MPRIP: variants seen among roughly 807,000 people sequenced by gnomAD.
MPRIP encodes myosin phosphatase Rho interacting protein.
A neutral mutation model predicts 234.9 loss-of-function variants in MPRIP; 59 were observed. The observed-to-expected ratio is 0.25, with a 90% CI of 0.20 to 0.31. MPRIP has a LOEUF of 0.31. Among genes scored for constraint, MPRIP ranks in the 10% least tolerant of loss-of-function variants. The pLI is 1.00. For synonymous variants in MPRIP, 1,144 were observed against 1,263.9 expected, an observed-to-expected ratio of 0.91 and a Z score of 2.01; for missense variants, 2,436 against 3,071.0, an observed-to-expected ratio of 0.79 and a Z score of 4.89.
rs576937857 is a variant in MPRIP at position 17,115,940 on chromosome 17, G to A, written c.268-10762G>A. The stretch of plus-strand genomic sequence containing the variant: ...CTCATGCCCTGCAGAGCCTGCCACT[G>A]TCTGGTCTTTGCACACGTGTCATCC... On this transcript the variant is annotated intron_variant, in intron 3 of 23. Transcript: ENST00000651222. Among the ~76,000 whole-genome samples the A allele has an allele frequency of 1.1e-4, 17 of 152,308 alleles. No homozygotes were observed. In the East Asian group the frequency reaches 1.5e-3, roughly 14 times the overall value.
intron 11 of MPRIP, among the ~76,000 whole-genome samples, chr17:17,148,100 G>GC (rs1035955207): frequency 6.6e-6 from 1 of 152,184 alleles, no homozygotes; most frequent in Non-Finnish European, 1.5e-5. Context: ...ATCATTAAGG[G>GC]CCGGGATATG....
intron 5 of MPRIP, 69 bp downstream of exon 5, chr17:17,131,770 C>T: frequency 1.4e-6 from 2 of 1,424,728 alleles, no homozygotes; most frequent in Admixed American, 1.7e-5. Flanking sequence ...TGAGGGCTCC[C>T]TGAGGTTAGA....
At position 17,068,338 on chromosome 17, in the gene MPRIP, C is replaced by T. The variant is rs1282029422; in HGVS notation, c.124-7372C>T. 3.3e-5 allele frequency among the ~76,000 whole-genome samples: 5 copies of T among 151,752 alleles called. 1 individual carries two copies. The South Asian group carries it at 6.3e-4, about 19-fold the overall frequency. ...GCTAATTTTATATTTTTAGTAGAGA[C>T]GGGGTTTCTTCATGTTGGTCAGGCT... On this transcript the variant is annotated intron_variant, in intron 1 of 23. Coordinates refer to ENST00000651222, the MANE Select transcript of MPRIP (RefSeq NM_001364716.4).
intron 3 of MPRIP, among the ~76,000 whole-genome samples, chr17:17,114,248 C>T (rs754508391): frequency 2.6e-5 from 4 of 152,126 alleles, no homozygotes; most frequent in Non-Finnish European, 4.4e-5. Context: ...TGTATATTCA[C>T]ATCCTTTGTC....
At position 17,166,735 on chromosome 17, in the gene MPRIP, A is replaced by G; in HGVS notation, c.5144A>G (p.Tyr1715Cys). Residue 1715 changes from tyrosine to cysteine, a missense_variant, in exon 16 of 24, where the codon TAC becomes TGC. By Grantham distance (194) the Tyr-to-Cys change is radical (BLOSUM62 -2). Around this residue, in one of 4 missense-constraint regions of MPRIP, gnomAD observed 1,998 missense variants for 2,520.3 expected, o/e 0.79. Coordinates refer to ENST00000651222, the MANE Select transcript of MPRIP (RefSeq NM_001364716.4). The surrounding 1 kb of genome is among the most constrained non-coding windows in gnomAD (Gnocchi z 4.4). ...KCLLREILGA[Y>C]QTPDFERVMQ... ...CTGCTGAGGGAAATCCTGGGAGCCT[A>G]CCAAACCCCAGACTTTGAAAGAGTG... 7.7e-7 allele frequency: 1 copy of G among 1,304,184 alleles called. No homozygotes were observed. Among genetic ancestry groups the G allele is most frequent in the African/African-American group, 1.5e-5 (1 of 65,994 alleles). The allele number at this position is 1,304,184 out of a possible 1,614,324, so 80.8% of individuals were successfully genotyped here. A position where few individuals can be genotyped will look rare whatever the true frequency, so the allele number is the denominator to read the frequency against.
chr17:17,165,651 C>T lies in MPRIP; in HGVS notation c.4060C>T (p.Arg1354Trp), dbSNP rs1032812595. 16 of 1,305,044 alleles carry T rather than the reference C, an allele frequency of 1.2e-5. No individual in the cohort carries two copies. The highest frequency in any genetic ancestry group is 2.1e-4 in the Middle Eastern group (1 of 4,702). 80.8% of individuals were successfully genotyped at this position (1,305,044 alleles called of 1,614,324 possible). ...SSTSSDTSQD[R>W]SPSEESMSSE... ...CACATCTTCCGACACCAGCCAGGACCGGTCACCCTCGGAAGAAAGCATGTC... is the reference window on the plus strand; with the variant it reads ...CACATCTTCCGACACCAGCCAGGACTGGTCACCCTCGGAAGAAAGCATGTC... Residue 1354 changes from arginine to tryptophan, a missense_variant, in exon 16 of 24, where the codon CGG (arginine) becomes TGG (tryptophan). By Grantham distance (101) the Arg-to-Trp change is moderately radical. This residue lies in a region of MPRIP where 1,998 missense variants were observed against 2,520.3 expected (regional missense o/e 0.79). Coordinates refer to ENST00000651222, the MANE Select transcript of MPRIP (RefSeq NM_001364716.4).
At chr17:17,184,784 G>A (rs765459513) in intron 23 of MPRIP, 39 bp from the exon 24 acceptor site, 17 of 1,517,844 alleles carry the variant, frequency 1.1e-5, no homozygotes, top group African/African-American at 5.5e-5. Context: ...GGGGTCTAAC[G>A]GTGTGTTTAT....
At chr17:17,050,502 C>T (rs962427631) in intron 1 of MPRIP, among the ~76,000 whole-genome samples, 4 of 152,252 alleles carry the variant, frequency 2.6e-5, no homozygotes, top group East Asian at 1.9e-4. Context: ...GGCCGCTGCC[C>T]GCAGTCCTGG....
In MPRIP at chr17:17,166,835, C is replaced by T. The variant is rs892172300; in HGVS notation, c.5244C>T (p.Ser1748=). The change falls in exon 16 of 24, where the codon AGC becomes AGT. Residue 1748 remains serine, a synonymous_variant. Coordinates refer to ENST00000651222, the MANE Select transcript of MPRIP (RefSeq NM_001364716.4). This position sits in a 1 kb window ranked among gnomAD's most constrained non-coding sequence, Gnocchi z 4.4. ...GTGTTCAGCTGTCCTGGGACCTGAG[C>T]CCCTTAGGAGAAGTCCTGGGCCGAG... ...EDGVQLSWDL[S]PLGEVLGRDS... 18 of 1,304,044 alleles carry T rather than the reference C, an allele frequency of 1.4e-5. No individual in the cohort carries two copies. The highest frequency in any genetic ancestry group is 2.3e-5 in the Admixed American group (1 of 43,554). The allele number at this position is 1,304,044 out of a possible 1,614,324, so 80.8% of individuals were successfully genotyped here.
intron 3 of MPRIP, among the ~76,000 whole-genome samples, chr17:17,112,891 A>G (rs1477078581): frequency 6.6e-6 from 1 of 152,196 alleles, no homozygotes; most frequent in East Asian, 1.9e-4. Flanking sequence ...TCTGCTGGTG[A>G]CACAGCCAAC....
intron 4 of MPRIP, 97 bp downstream of exon 4, chr17:17,126,950 A>T (rs567093431): frequency 3.5e-6 from 5 of 1,432,892 alleles, no homozygotes; most frequent in South Asian, 1.3e-5. Context: ...GATGTTGTCT[A>T]CTTCCCCGTG....
chr17:17,162,182 C>T (rs2045887358), intron 15 of MPRIP, among the ~76,000 whole-genome samples: 3 of 152,222 alleles, frequency 2.0e-5, no homozygotes, highest in Admixed American at 2.0e-4. Context: ...AATCAAGGTC[C>T]TAGGTTCAAG....
Position 17,167,278 on chromosome 17 carries a change from G to A in MPRIP, c.5687G>A (p.Arg1896His), listed in dbSNP as rs961559136. 20 of 1,303,852 alleles carry A rather than the reference G, an allele frequency of 1.5e-5. No homozygotes were observed. The highest frequency in any genetic ancestry group is 2.1e-4 in the Middle Eastern group (1 of 4,718). 80.8% of individuals were successfully genotyped at this position (1,303,852 alleles called of 1,614,324 possible). ...ALREEYEELL[R>H]KQKSEYLDVI... ...AGGGAGGAGTATGAGGAGCTTCTCC[G>A]CAAGCAGAAGAGCGAGTACCTGGAT... Residue 1896 changes from arginine (R) to histidine (H), a missense_variant, in exon 16 of 24, where the codon CGC becomes CAC. By Grantham distance (29) the Arg-to-His change is conservative (BLOSUM62 0). This residue lies in a region of MPRIP where 1,998 missense variants were observed against 2,520.3 expected (regional missense o/e 0.79). Transcript: ENST00000651222. This position sits in a 1 kb window ranked among gnomAD's most constrained non-coding sequence, Gnocchi z 5.9.
rs1329453148 is a variant in MPRIP, at chr17:17,167,466, C to T, written c.5875C>T (p.Leu1959=). Residue 1959 remains leucine, a synonymous_variant, in exon 16 of 24, where the codon CTG becomes TTG. Transcript: ENST00000651222. This position sits in a 1 kb window ranked among gnomAD's most constrained non-coding sequence, Gnocchi z 5.9. ...GGAGATTCGGTGTGTGGTGGAGCAGCTGACCAGGACCGAGAGCACACTGCA... is the reference window on the plus strand; with the variant it reads ...GGAGATTCGGTGTGTGGTGGAGCAGTTGACCAGGACCGAGAGCACACTGCA... ...EEEIRCVVEQ[L]TRTESTLQAE... The T allele has an allele frequency of 7.7e-7, 1 of 1,304,062 alleles. No homozygotes were observed. The highest frequency in any genetic ancestry group is 1.0e-6 in the Non-Finnish European group (1 of 988,954). The allele number at this position is 1,304,062 out of a possible 1,614,324, so 80.8% of individuals were successfully genotyped here.
chr17:17,109,294 A>G (rs550302215), intron 3 of MPRIP, among the ~76,000 whole-genome samples: 1 of 152,316 alleles, frequency 6.6e-6, no homozygotes, highest in African/African-American at 2.4e-5. Context: ...TTTGCAGTAG[A>G]GTGGAGTCTG....
chr17:17,048,042 A>G (rs928887763), intron 1 of MPRIP, among the ~76,000 whole-genome samples: 9 of 152,056 alleles, frequency 5.9e-5, no homozygotes, highest in African/African-American at 2.2e-4. Flanking sequence ...CCGCGTGTTG[A>G]TCTGGGGGTG....
chr17:17,043,496 C>T (rs530604572), intron 1 of MPRIP, among the ~76,000 whole-genome samples: 4 of 152,110 alleles, frequency 2.6e-5, no homozygotes, highest in Non-Finnish European at 5.9e-5. Flanking sequence ...TTTGGCAGGC[C>T]GTAGTTTAGC....
intron 9 of MPRIP, among the ~76,000 whole-genome samples, chr17:17,145,787 A>G (rs2045449610): frequency 1.3e-5 from 2 of 152,194 alleles, no homozygotes; most frequent in Non-Finnish European, 2.9e-5. Flanking sequence ...TCACAGGGCA[A>G]TGAGACCATA....
intron 3 of MPRIP, among the ~76,000 whole-genome samples, chr17:17,119,362 GGCTGGGTAGCCCTGCCTACA>G (rs2090346076): frequency 6.6e-6 from 1 of 152,268 alleles, no homozygotes. Flanking sequence ...ACGTGGTCCA[GGCTGGGTAGCCCTGCCTACA>G]GTTTCTCTGA....
Sources: gnomAD v4.1 joint callset for allele counts (sites outside exome capture counted in the v4.1 genomes callset) on GRCh38, gnomAD v4.1.1 for gene constraint, gnomAD v4.1.1 regional missense constraint, Gnocchi (gnomAD v3.1) non-coding constraint, MANE v1.5 for transcripts, NCBI Gene and HGNC (gene_info 2026-07-23, HGNC 2026-07-21) for gene names.